The following CSMD2 variants were observed in gnomAD, a reference collection of about 807,000 sequenced individuals.
CSMD2 encodes the protein CUB and sushi domain-containing protein 2.
In CSMD2, 130 loss-of-function variants were observed where a neutral mutation model predicts 398.5. The observed-to-expected ratio is 0.33, with a 90% confidence interval of 0.28 to 0.38. The LOEUF (loss-of-function observed/expected upper bound fraction) is 0.38, where lower values mean the gene tolerates loss of function less well. Among genes scored for constraint, CSMD2 ranks in the 10% least tolerant of loss-of-function variants. CSMD2 has a pLI of 1.00. For synonymous variants in CSMD2, 1,828 were observed against 1,908.5 expected, an observed-to-expected ratio of 0.96 and a Z score of 1.10; for missense variants, 3,829 against 4,764.9, an observed-to-expected ratio of 0.80 and a Z score of 5.78.
chr1:33,787,569 C>T (rs1653683554), intron 12 of CSMD2, among the ~76,000 whole-genome samples: 1 of 152,210 alleles, frequency 6.6e-6, no homozygotes, highest in Non-Finnish European at 1.5e-5. Flanking sequence ...CCAGGCAGCT[C>T]TTTTGCATGC....
chr1:33,828,582 G>A (rs1002043095), intron 6 of CSMD2, among the ~76,000 whole-genome samples: 1 of 152,166 alleles, frequency 6.6e-6, no homozygotes, highest in Non-Finnish European at 1.5e-5. Context: ...CATTCCCAGG[G>A]GCAAAGCTGC....
chr1:33,608,498 T>G (rs1011522183), intron 41 of CSMD2, among the ~76,000 whole-genome samples: 4 of 152,218 alleles, frequency 2.6e-5, no homozygotes, highest in African/African-American at 9.7e-5. Flanking sequence ...AAAATTCATA[T>G]GCTGAAGACT....
chr1:33,624,761 C>T lies in CSMD2; in HGVS notation c.5501-118G>A. On this transcript the variant is annotated intron_variant, in intron 34 of 70. Transcript: ENST00000373381. This position sits in a 1 kb window ranked among gnomAD's most constrained non-coding sequence, Gnocchi z 4.7. Reference sequence around the variant, plus strand: ...TGTCCTCCTCCCCATGGGGGTGTCTCCCTAATGTCCCCAGTCCTGCCTTCT... The same window carrying T: ...TGTCCTCCTCCCCATGGGGGTGTCTTCCTAATGTCCCCAGTCCTGCCTTCT... 7.5e-7 allele frequency: 1 copy of T among 1,326,260 alleles called. No individual in the cohort carries two copies. Among genetic ancestry groups the T allele is most frequent in the South Asian group, 1.4e-5 (1 of 70,786 alleles). 82.2% of individuals were successfully genotyped at this position (1,326,260 alleles called of 1,614,324 possible).
chr1:34,010,620 T>C (rs1647225842), intron 3 of CSMD2, among the ~76,000 whole-genome samples: 1 of 151,856 alleles, frequency 6.6e-6, no homozygotes, highest in African/African-American at 2.4e-5. Flanking sequence ...TTTTTTTTCT[T>C]TTTTTTCTTT....
chr1:33,721,595 A>G (rs79501008), intron 19 of CSMD2, among the ~76,000 whole-genome samples: 2,425 of 152,252 alleles, frequency 0.016, 66 homozygotes, highest in African/African-American at 0.056. Context: ...CAGGATGAAC[A>G]AGGACACTGT....
At chr1:33,553,236 T>C (rs1657632968) in intron 55 of CSMD2, among the ~76,000 whole-genome samples, 1 of 152,208 alleles carries the variant, frequency 6.6e-6, no homozygotes, top group African/African-American at 2.4e-5. Flanking sequence ...TTCCCAATAA[T>C]ACGTGCTCAC....
intron 10 of CSMD2, among the ~76,000 whole-genome samples, chr1:33,793,679 G>A (rs1654604782): frequency 8.7e-6 from 1 of 114,402 alleles, no homozygotes; most frequent in Non-Finnish European, 1.9e-5. Flanking sequence ...CAGTATGTGT[G>A]GAACTCATTG....
intron 5 of CSMD2, among the ~76,000 whole-genome samples, chr1:33,848,471 G>C (rs1469139539): frequency 6.6e-6 from 1 of 152,218 alleles, no homozygotes; most frequent in Admixed American, 6.5e-5. Flanking sequence ...GAGCAAGAGA[G>C]CATACTGATG....
At chr1:33,527,405 T>G in intron 64 of CSMD2, 147 bp from the exon 65 acceptor site, 1 of 611,704 alleles carries the variant, frequency 1.6e-6, no homozygotes. Context: ...GGAGGTAGAC[T>G]GCTTTGATGC....
intron 5 of CSMD2, chr1:33,870,119 C>T (rs1640354074): frequency 6.6e-6 from 1 of 152,138 alleles, no homozygotes; most frequent in Non-Finnish European, 1.5e-5. Flanking sequence ...GAAGTCAGGT[C>T]TGTGGATGGG....
chr1:34,071,317 G>C (rs895106214), intron 2 of CSMD2, among the ~76,000 whole-genome samples: 2 of 152,248 alleles, frequency 1.3e-5, no homozygotes, highest in African/African-American at 2.4e-5. Context: ...AGTCTATACT[G>C]TCTACAGTGT....
Position 33,827,702 on chromosome 1 carries a change from C to T in CSMD2, c.1034-1928G>A, listed in dbSNP as rs146228777. ...AACGCCTAGAATCATTTCATTTGGT[C>T]CTTATACTTTCAACAACCTTGACTG... On this transcript the variant is annotated intron_variant, in intron 6 of 70. Transcript: ENST00000373381. Among the ~76,000 whole-genome samples, 19 of 152,254 alleles carry T rather than the reference C, an allele frequency of 1.2e-4. 1 individual carries two copies. The East Asian group carries it at 3.5e-3, about 28-fold the overall frequency.
chr1:33,785,938 C>T lies in CSMD2; in HGVS notation c.1663+2662G>A, dbSNP rs142042969. 8.6e-4 allele frequency among the ~76,000 whole-genome samples: 131 copies of T among 152,302 alleles called. No individual in the cohort carries two copies. The Middle Eastern group carries it at 0.014, about 16-fold the overall frequency. On this transcript the variant is annotated intron_variant, in intron 12 of 70. Coordinates refer to ENST00000373381, the MANE Select transcript of CSMD2 (RefSeq NM_001281956.2). ...CTTCTCCTGCATAAACATTCGGGGGCCATCAACATTTCTTACAGGAATTGC... is the reference window on the plus strand; with the variant it reads ...CTTCTCCTGCATAAACATTCGGGGGTCATCAACATTTCTTACAGGAATTGC...
chr1:33,919,565 G>A (rs528657050), intron 4 of CSMD2, among the ~76,000 whole-genome samples: 1 of 152,324 alleles, frequency 6.6e-6, no homozygotes, highest in East Asian at 1.9e-4. Flanking sequence ...CTCTCCCAGA[G>A]TAGGTGCTTA....
intron 3 of CSMD2, among the ~76,000 whole-genome samples, chr1:33,998,996 TGAA>T (rs1646813179): frequency 6.6e-6 from 1 of 152,176 alleles, no homozygotes; most frequent in East Asian, 1.9e-4. Flanking sequence ...ATAAGGACAT[TGAA>T]GAAGAGGCTT....
At chr1:33,819,046 G>C (rs932162643) in intron 9 of CSMD2, among the ~76,000 whole-genome samples, 3 of 152,212 alleles carry the variant, frequency 2.0e-5, no homozygotes, top group South Asian at 2.1e-4. Flanking sequence ...CTCTCTGCTG[G>C]TTCCCTGGGG....
At chr1:33,623,507 C>A in intron 35 of CSMD2, 41 bp from the exon 36 acceptor site, 4 of 1,415,420 alleles carry the variant, frequency 2.8e-6, no homozygotes, top group Non-Finnish European at 3.0e-6. Context: ...AGGCAGCCTG[C>A]GTCCCTCCCT....
chr1:33,693,139 C>G, intron 24 of CSMD2, 83 bp from the exon 25 acceptor site: 1 of 1,449,438 alleles, frequency 6.9e-7, no homozygotes, highest in Non-Finnish European at 9.2e-7. Flanking sequence ...TGCCTGTTTG[C>G]TCTTGAGTCC....
intron 5 of CSMD2, among the ~76,000 whole-genome samples, chr1:33,849,512 G>A (rs1413744530): frequency 6.6e-6 from 1 of 152,216 alleles, no homozygotes; most frequent in Non-Finnish European, 1.5e-5. Flanking sequence ...GTTGGGGACT[G>A]CCTGGCTGGG....
Sources: allele counts gnomAD v4.1 joint callset (sites outside exome capture counted in the v4.1 genomes callset), GRCh38; gene constraint gnomAD v4.1.1; non-coding constraint Gnocchi (gnomAD v3.1); transcripts MANE v1.5; gene names NCBI Gene and HGNC (gene_info 2026-07-23, HGNC 2026-07-21).